Variants in STARD3 observed in about 807,000 individuals in gnomAD.
The protein encoded by STARD3 is stAR-related lipid transfer protein 3.
In STARD3, 39 loss-of-function variants were observed where a neutral mutation model predicts 62.0. That is an observed-to-expected ratio of 0.63 (90% CI 0.49 to 0.82). The LOEUF is 0.82. Among genes scored for constraint, STARD3 ranks in the 40% least tolerant of loss-of-function variants. The pLI is 0.00. For missense variants in STARD3, 543 were observed against 584.5 expected, an observed-to-expected ratio of 0.93 and a Z score of 0.73; for synonymous variants, 229 against 242.4, an observed-to-expected ratio of 0.94 and a Z score of 0.51.
At chr17:39,657,677 G>A in intron 3 of STARD3, 98 bp from the exon 4 acceptor site, 1 of 1,322,010 alleles carries the variant, frequency 7.6e-7, no homozygotes, top group Admixed American at 1.7e-5. Context: ...CATGCCCATA[G>A]GAAGGGAACG....
At chr17:39,651,267 G>T (rs1271180477) in intron 1 of STARD3, among the ~76,000 whole-genome samples, 2 of 152,232 alleles carry the variant, frequency 1.3e-5, no homozygotes, top group Non-Finnish European at 2.9e-5. Context: ...GAGCTGGCTT[G>T]CTCAGAACCT....
At chr17:39,659,294 G>T (rs1303200292) in intron 8 of STARD3, among the ~76,000 whole-genome samples, 167 bp from the exon 9 acceptor site, 2 of 152,196 alleles carry the variant, frequency 1.3e-5, no homozygotes, top group African/African-American at 4.8e-5. Context: ...CACACAGGTG[G>T]AGCAGCCACA....
At position 39,660,015 on chromosome 17, in the gene STARD3, T is replaced by TCTG. The variant is rs2057177587; in HGVS notation, c.796-195_796-194insTGC. On this transcript the variant is annotated intron_variant, in intron 9 of 14. Coordinates refer to ENST00000336308, the MANE Select transcript of STARD3 (RefSeq NM_006804.4). This position sits in a 1 kb window ranked among gnomAD's most constrained non-coding sequence, Gnocchi z 4.8. ...TGTCCCCCCGTCTTTTAACTCGACA[T>TCTG]CAAAAGCCTCTCTCCTGCCAGTGCC... 1.7e-6 allele frequency: 1 copy of TCTG among 601,894 alleles called. No individual in the cohort carries two copies. The highest frequency in any genetic ancestry group is 3.0e-6 in the Non-Finnish European group (1 of 338,934). The allele number at this position is 601,894 out of a possible 1,614,324, so 37.3% of individuals were successfully genotyped here. A position where few individuals can be genotyped will look rare whatever the true frequency, so the allele number is the denominator to read the frequency against.
At chr17:39,648,716 C>T (rs1649031769) in intron 1 of STARD3, among the ~76,000 whole-genome samples, 1 of 152,128 alleles carries the variant, frequency 6.6e-6, no homozygotes, top group Admixed American at 6.6e-5. Context: ...TGTCCCCGCC[C>T]CTGCCTTCGA....
At chr17:39,650,221 G>C (rs943811168) in intron 1 of STARD3, among the ~76,000 whole-genome samples, 3 of 152,134 alleles carry the variant, frequency 2.0e-5, no homozygotes, top group African/African-American at 7.2e-5. Context: ...ATTATGACTG[G>C]TGTCCGTATC....
In STARD3 at chr17:39,656,902, C is replaced by T. The variant is rs1475271105; in HGVS notation, c.220-106C>T. 8 of 1,097,416 alleles carry T rather than the reference C, an allele frequency of 7.3e-6. No homozygotes were observed. The East Asian group carries it at 1.7e-4, about 23-fold the overall frequency. 68.0% of individuals were successfully genotyped at this position (1,097,416 alleles called of 1,614,324 possible). A position where few individuals can be genotyped will look rare whatever the true frequency, so the allele number is the denominator to read the frequency against. On this transcript the variant is annotated intron_variant, in intron 2 of 14. Coordinates refer to ENST00000336308, the MANE Select transcript of STARD3 (RefSeq NM_006804.4). ...GTGGTGGCTTAGCATCAACAGCCTC[C>T]CCTCCAGGTTCCTCCATCCCCTACC...
intron 2 of STARD3, among the ~76,000 whole-genome samples, chr17:39,654,910 G>T (rs987189419): frequency 1.2e-4 from 18 of 152,254 alleles, no homozygotes; most frequent in Admixed American, 2.0e-4. Flanking sequence ...GAGAGACAGG[G>T]CTCTGAGGGT....
At chr17:39,658,608 G>A in intron 6 of STARD3, 86 bp downstream of exon 6, 1 of 1,568,424 alleles carries the variant, frequency 6.4e-7, no homozygotes, top group Non-Finnish European at 8.8e-7. Context: ...TCAGTCTGAA[G>A]CATCTCGCCA....
chr17:39,638,446 C>A lies in STARD3; in HGVS notation c.-52+1215C>A, dbSNP rs560340205. Among the ~76,000 whole-genome samples the A allele has an allele frequency of 3.9e-5, 6 of 152,378 alleles. No individual in the cohort carries two copies. In the South Asian group the frequency reaches 1.2e-3, roughly 32 times the overall value. On this transcript the variant is annotated intron_variant, in intron 1 of 14. Coordinates refer to ENST00000336308, the MANE Select transcript of STARD3 (RefSeq NM_006804.4). ...CACCCTAAGGTCCAATAATACGGCA[C>A]TGCAGCATGCGCCATGCCTACCCTT...
Position 39,663,482 on chromosome 17 carries a change from AAAT to A in STARD3, c.*575_*577del, listed in dbSNP as rs1397635271. ...AAAACATGAATTTAAAAAAAAAAAA[AAAT>A]TCCAGCCCCTCCCACTGCCTTGCCT... On this transcript the variant is annotated 3_prime_UTR_variant, in exon 15 of 15. Coordinates refer to ENST00000336308, the MANE Select transcript of STARD3 (RefSeq NM_006804.4). The A allele has an allele frequency of 6.4e-6, 1 of 157,294 alleles. No homozygotes were observed. The highest frequency in any genetic ancestry group is 1.4e-5 in the Non-Finnish European group (1 of 71,846). 9.7% of individuals were successfully genotyped at this position (157,294 alleles called of 1,614,324 possible).
intron 1 of STARD3, 42 bp from the exon 2 acceptor site, chr17:39,653,439 C>A: frequency 7.5e-7 from 1 of 1,339,702 alleles, no homozygotes; most frequent in Non-Finnish European, 1.0e-6. Flanking sequence ...GTGGGAGGGA[C>A]AGGAGGAGTT....
At position 39,663,905 on chromosome 17, in the gene STARD3, C is replaced by T. The variant is rs1339445627; in HGVS notation, c.*997C>T. Among the ~76,000 whole-genome samples the T allele has an allele frequency of 2.6e-5, 4 of 152,058 alleles. No individual in the cohort carries two copies. The highest frequency in any genetic ancestry group is 2.9e-5 in the Non-Finnish European group (2 of 67,992). The stretch of plus-strand genomic sequence containing the variant: ...CCCGGACCTCCCAGACTCCACTCAC[C>T]CATTCCCTCTCCCCGCACGGCACTC... On this transcript the variant is annotated 3_prime_UTR_variant, in exon 15 of 15. Transcript: ENST00000336308.
chr17:39,657,893 G>A (rs1166392800), intron 4 of STARD3, 41 bp downstream of exon 4: 4 of 1,613,894 alleles, frequency 2.5e-6, no homozygotes, highest in South Asian at 2.2e-5. Flanking sequence ...GCCCTGGCAG[G>A]GCTGGTGGAA....
At chr17:39,657,194 C>G (rs528336410) in intron 3 of STARD3, 109 bp downstream of exon 3, 1 of 1,096,604 alleles carries the variant, frequency 9.1e-7, no homozygotes, top group Non-Finnish European at 1.4e-6. Context: ...ATCAGAGACT[C>G]GGCTCCCATC....
At chr17:39,640,980 G>T (rs1268723745) in intron 1 of STARD3, among the ~76,000 whole-genome samples, 1 of 152,192 alleles carries the variant, frequency 6.6e-6, no homozygotes, top group Non-Finnish European at 1.5e-5. Flanking sequence ...CTTCTCCAGG[G>T]GATTTCCCAA....
chr17:39,657,759 T>C lies in STARD3; in HGVS notation c.298-16T>C, dbSNP rs1307824323. On this transcript the variant is annotated splice_polypyrimidine_tract_variant and intron_variant, in intron 3 of 14. Transcript: ENST00000336308. Reference sequence around the variant, plus strand: ...CAGTAGCTTCCTGTGACTGCCTTGCTCCCGTCCCCCACCAGGTCCTGGCCT... The same window carrying C: ...CAGTAGCTTCCTGTGACTGCCTTGCCCCCGTCCCCCACCAGGTCCTGGCCT... 4 of 1,613,960 alleles carry C rather than the reference T, an allele frequency of 2.5e-6. No individual in the cohort carries two copies. The highest frequency in any genetic ancestry group is 3.4e-6 in the Non-Finnish European group (4 of 1,179,952).
Position 39,663,083 on chromosome 17 carries a change from T to C in STARD3, c.*175T>C, listed in dbSNP as rs2057219589. The C allele has an allele frequency of 1.6e-6, 1 of 611,768 alleles. No individual in the cohort carries two copies. 37.9% of individuals were successfully genotyped at this position (611,768 alleles called of 1,614,324 possible). On this transcript the variant is annotated 3_prime_UTR_variant, in exon 15 of 15. Coordinates refer to ENST00000336308, the MANE Select transcript of STARD3 (RefSeq NM_006804.4). ...CTGAGCAGGCTGTGGGGTGGAGCAC[T>C]GGACTCCGGGGCCCCACTGGCTGGA... is the stretch of plus-strand genomic sequence containing the variant.
intron 5 of STARD3, 189 bp downstream of exon 5, chr17:39,658,215 C>G (rs1160608621): frequency 3.6e-6 from 3 of 842,646 alleles, no homozygotes; most frequent in South Asian, 3.2e-5. Context: ...CCTTGCAGCT[C>G]TAGGAATCAG....
At chr17:39,659,359 C>T in intron 8 of STARD3, 102 bp from the exon 9 acceptor site, 1 of 1,227,326 alleles carries the variant, frequency 8.1e-7, no homozygotes, top group Non-Finnish European at 1.2e-6. Context: ...TGGGCCAGGC[C>T]CCTCTGGGAA....
Sources: allele counts gnomAD v4.1 joint callset (sites outside exome capture counted in the v4.1 genomes callset), GRCh38; gene constraint gnomAD v4.1.1; non-coding constraint Gnocchi (gnomAD v3.1); transcripts MANE v1.5; gene names NCBI Gene and HGNC (gene_info 2026-07-23, HGNC 2026-07-21).